The following CFAP46 variants were observed in gnomAD, a reference collection of about 807,000 sequenced individuals.
The protein encoded by CFAP46 is cilia- and flagella-associated protein 46.
In CFAP46, 245 loss-of-function variants were observed where a neutral mutation model predicts 325.7. The ratio of observed to expected loss-of-function variants is 0.75; its 90% confidence interval spans 0.68 to 0.84. The LOEUF is 0.84. Among genes scored for constraint, CFAP46 ranks in the 40% least tolerant of loss-of-function variants. The pLI is 0.00. For synonymous variants in CFAP46, 1,523 were observed against 1,495.9 expected, an observed-to-expected ratio of 1.02 and a Z score of -0.42; for missense variants, 3,346 against 3,543.0, an observed-to-expected ratio of 0.94 and a Z score of 1.41.
chr10:132,864,426 C>A (rs527358593), intron 35 of CFAP46, among the ~76,000 whole-genome samples: 8 of 124,056 alleles, frequency 6.4e-5, no homozygotes, highest in African/African-American at 2.5e-4. Flanking sequence ...ATGCACACAC[C>A]TGTCCCCAGT....
chr10:132,915,806 T>G (rs1252933563), intron 17 of CFAP46, among the ~76,000 whole-genome samples: 3 of 152,200 alleles, frequency 2.0e-5, no homozygotes, highest in Non-Finnish European at 2.9e-5. Flanking sequence ...ATTCCCAACA[T>G]GGAGAAACAA....
chr10:132,826,554 A>T (rs1185582143), intron 50 of CFAP46, among the ~76,000 whole-genome samples: 15 of 133,312 alleles, frequency 1.1e-4, no homozygotes, highest in Non-Finnish European at 4.8e-5. Flanking sequence ...GCCAGGCAGG[A>T]GCCGGAGCCA....
At position 132,892,724 on chromosome 10, in the gene CFAP46, T is replaced by C. The variant is rs116530393; in HGVS notation, c.3220-307A>G. On this transcript the variant is annotated intron_variant, in intron 24 of 57. Coordinates refer to ENST00000368586, the MANE Select transcript of CFAP46 (RefSeq NM_001200049.3). Reference sequence around the variant, plus strand: ...GAACTGCCTCTGATTGGAGTGCACGTTCAGCGCCGCTTGAATCGATGCTTC... The same window carrying C: ...GAACTGCCTCTGATTGGAGTGCACGCTCAGCGCCGCTTGAATCGATGCTTC... Among the ~76,000 whole-genome samples the C allele has an allele frequency of 2.3e-3, 348 of 152,342 alleles. 1 individual carries two copies. Among genetic ancestry groups the C allele is most frequent in the African/African-American group, 6.9e-3 (286 of 41,590 alleles).
Position 132,885,290 on chromosome 10 carries a change from A to C in CFAP46, c.3444-4T>G, listed in dbSNP as rs775333983. On this transcript the variant is annotated splice_polypyrimidine_tract_variant and splice_region_variant and intron_variant, in intron 26 of 57. Coordinates refer to ENST00000368586, the MANE Select transcript of CFAP46 (RefSeq NM_001200049.3). ...GACCATGTGCTTGAAGATCAAGCTAAAGAAAGGGAAGGTGAGAAACCAACG... is the reference window on the plus strand; with the variant it reads ...GACCATGTGCTTGAAGATCAAGCTACAGAAAGGGAAGGTGAGAAACCAACG... 5.2e-6 allele frequency: 8 copies of C among 1,541,382 alleles called. No individual in the cohort carries two copies. The highest frequency in any genetic ancestry group is 7.0e-6 in the Non-Finnish European group (8 of 1,140,176).
At chr10:132,922,007 T>G in intron 13 of CFAP46, 97 bp downstream of exon 13, 1 of 1,395,150 alleles carries the variant, frequency 7.2e-7, no homozygotes. Context: ...CAGGGGGCGG[T>G]GGCAGGGAGC....
chr10:132,839,857 G>A (rs1303468650), intron 44 of CFAP46, among the ~76,000 whole-genome samples: 3 of 152,168 alleles, frequency 2.0e-5, no homozygotes, highest in South Asian at 2.1e-4. Context: ...TCACCCTGAC[G>A]TGGCGCCCCT....
In CFAP46 at chr10:132,847,535, CGCTGGAGCCTGGGCGAGGGGAT is replaced by C. The variant is rs1259954632; in HGVS notation, c.5953-236_5953-215del. Among the ~76,000 whole-genome samples, 2 of 151,636 alleles carry C rather than the reference CGCTGGAGCCTGGGCGAGGGGAT, an allele frequency of 1.3e-5. No homozygotes were observed. Among genetic ancestry groups the C allele is most frequent in the South Asian group, 2.1e-4 (1 of 4,720 alleles). On this transcript the variant is annotated intron_variant, in intron 41 of 57. Coordinates refer to ENST00000368586, the MANE Select transcript of CFAP46 (RefSeq NM_001200049.3). The surrounding 1 kb of genome is among the most constrained non-coding windows in gnomAD (Gnocchi z 5.2). Reference sequence around the variant, plus strand: ...TGACCCGTGAGCCTGGGCAAGGGGACGCTGGAGCCTGGGCGAGGGGATGCTGCAGCCAGGGTGAGGACGCAGA... The same window carrying C: ...TGACCCGTGAGCCTGGGCAAGGGGACGCTGCAGCCAGGGTGAGGACGCAGA...
At chr10:132,823,695 G>T (rs1379524698) in intron 50 of CFAP46, among the ~76,000 whole-genome samples, 1 of 131,022 alleles carries the variant, frequency 7.6e-6, no homozygotes, top group Non-Finnish European at 1.6e-5. Context: ...GATGTGTGCT[G>T]ATGTGTGCTG....
chr10:132,878,147 C>T, intron 29 of CFAP46, 60 bp from the exon 30 acceptor site: 1 of 1,468,068 alleles, frequency 6.8e-7, no homozygotes, highest in Non-Finnish European at 9.3e-7. Context: ...CCACTCTGCC[C>T]ACCCTCCACT....
At chr10:132,910,255 C>T (rs545356307) in intron 19 of CFAP46, among the ~76,000 whole-genome samples, 187 bp from the exon 20 acceptor site, 150 of 152,344 alleles carry the variant, frequency 9.8e-4, no homozygotes, top group African/African-American at 3.3e-3. Flanking sequence ...CACCCCCAGA[C>T]GCCGAGGACG....
intron 8 of CFAP46, among the ~76,000 whole-genome samples, chr10:132,932,544 G>A (rs72861482): frequency 0.13 from 17,883 of 134,294 alleles, 1,301 homozygotes; most frequent in African/African-American, 0.21. Context: ...GTCTTCCCAC[G>A]CTCCCCATAC....
chr10:132,873,288 G>A (rs1848918971), intron 31 of CFAP46, among the ~76,000 whole-genome samples: 2 of 152,222 alleles, frequency 1.3e-5, no homozygotes, highest in Non-Finnish European at 2.9e-5. Flanking sequence ...AGGAAAGTTG[G>A]ATGACTTGTC....
chr10:132,916,890 A>G (rs1849648066), intron 16 of CFAP46, among the ~76,000 whole-genome samples: 1 of 152,150 alleles, frequency 6.6e-6, no homozygotes, highest in African/African-American at 2.4e-5. Flanking sequence ...CTCTCCACCC[A>G]TTAGCACAAG....
At chr10:132,844,434 C>A (rs1347326859) in intron 44 of CFAP46, among the ~76,000 whole-genome samples, 1 of 152,140 alleles carries the variant, frequency 6.6e-6, no homozygotes, top group East Asian at 1.9e-4. Flanking sequence ...CTGATAACTT[C>A]AAAAATATGA....
chr10:132,941,190 A>G, intron 3 of CFAP46, 130 bp from the exon 4 acceptor site: 1 of 887,800 alleles, frequency 1.1e-6, no homozygotes, highest in Admixed American at 1.9e-5. Context: ...TCCACAGGTG[A>G]CGGTGTGGCA....
intron 43 of CFAP46, 108 bp downstream of exon 43, chr10:132,846,824 G>T (rs145408424): frequency 2.2e-6 from 3 of 1,371,174 alleles, no homozygotes; most frequent in East Asian, 5.0e-5. Context: ...CTGGCCTGCG[G>T]CCTGCTTCTC....
At chr10:132,908,120 C>A (rs1167783564) in intron 22 of CFAP46, among the ~76,000 whole-genome samples, 1 of 152,252 alleles carries the variant, frequency 6.6e-6, no homozygotes, top group Admixed American at 6.5e-5. Context: ...TTCCACGGGG[C>A]CACTGCTGAC....
At chr10:132,898,805 C>A (rs971908248) in intron 24 of CFAP46, 154 bp downstream of exon 24, 1 of 1,041,450 alleles carries the variant, frequency 9.6e-7, no homozygotes, top group South Asian at 1.4e-5. Context: ...GACTTGGAGA[C>A]CCCCCTTAAC....
intron 7 of CFAP46, among the ~76,000 whole-genome samples, chr10:132,936,191 C>A (rs796114599): frequency 2.3e-4 from 19 of 82,384 alleles, no homozygotes; most frequent in Admixed American, 2.6e-4. Context: ...TCCCCTCAGC[C>A]CCCAAACACA....
Sources: gnomAD v4.1 joint callset for allele counts (sites outside exome capture counted in the v4.1 genomes callset) on GRCh38, gnomAD v4.1.1 for gene constraint, Gnocchi (gnomAD v3.1) non-coding constraint, MANE v1.5 for transcripts, NCBI Gene and HGNC (gene_info 2026-07-23, HGNC 2026-07-21) for gene names.